ZCWPW2: variants seen among roughly 807,000 people sequenced by gnomAD.
ZCWPW2 encodes the protein zinc finger CW-type PWWP domain protein 2.
In ZCWPW2, 45 loss-of-function variants were observed where a neutral mutation model predicts 46.6. The ratio of observed to expected loss-of-function variants is 0.96; its 90% confidence interval spans 0.76 to 1.24. ZCWPW2 has a LOEUF of 1.24. ZCWPW2 is among the 50% of genes most tolerant of loss of function. The pLI is 0.00. For synonymous variants in ZCWPW2, 152 were observed against 137.1 expected (o/e 1.11, Z -0.76); for missense variants, 429 against 403.9 (o/e 1.06, Z -0.53).
rs771187755 is a variant in ZCWPW2, at chr3:28,348,990, G to C, written c.-347G>C. 9 of 985,708 alleles carry C rather than the reference G, an allele frequency of 9.1e-6. No individual in the cohort carries two copies. Among genetic ancestry groups the C allele is most frequent in the Non-Finnish European group, 1.1e-5 (9 of 830,260 alleles). The allele number at this position is 985,708 out of a possible 1,614,324, so 61.1% of individuals were successfully genotyped here. On this transcript the variant is annotated 5_prime_UTR_variant, in exon 1 of 10. Coordinates refer to ENST00000383768, the MANE Select transcript of ZCWPW2 (RefSeq NM_001040432.4). ...TGGATGAGCTCTCAGCCGGAAAAGG[G>C]GCTGCCGCTGTCCGCGGGCTCGGCG...
chr3:28,492,276 A>T (rs1470248975), intron 6 of ZCWPW2, 103 bp downstream of exon 6: 5 of 1,068,582 alleles, frequency 4.7e-6, no homozygotes, highest in Non-Finnish European at 5.2e-6. Flanking sequence ...ATGACATACA[A>T]TCCATTTTTT....
At chr3:28,494,402 T>C (rs1180527374) in intron 6 of ZCWPW2, among the ~76,000 whole-genome samples, 1 of 134,148 alleles carries the variant, frequency 7.5e-6, no homozygotes, top group African/African-American at 2.8e-5. Flanking sequence ...ATTTATTAAA[T>C]AGGGAATCCT....
intron 1 of ZCWPW2, among the ~76,000 whole-genome samples, chr3:28,351,228 A>G (rs2125683690): frequency 6.7e-6 from 1 of 149,914 alleles, no homozygotes; most frequent in East Asian, 1.9e-4. Context: ...TCCTGTCTAC[A>G]TGTTGTCGCT....
intron 1 of ZCWPW2, chr3:28,351,745 A>G (rs1704560948): frequency 6.6e-6 from 1 of 151,834 alleles, no homozygotes; most frequent in Non-Finnish European, 1.5e-5. Context: ...TTTGTTGTAT[A>G]TTCTGAGGAC....
At chr3:28,463,807 G>A (rs144263301) in intron 4 of ZCWPW2, among the ~76,000 whole-genome samples, 7 of 151,732 alleles carry the variant, frequency 4.6e-5, no homozygotes, top group African/African-American at 1.7e-4. Context: ...TGCCACTGCA[G>A]TCCAGACTGT....
At chr3:28,440,927 C>A (rs578036981) in intron 4 of ZCWPW2, among the ~76,000 whole-genome samples, 1 of 152,162 alleles carries the variant, frequency 6.6e-6, no homozygotes, top group Non-Finnish European at 1.5e-5. Context: ...CTGATCACCC[C>A]AAGGAATGGT....
chr3:28,351,371 A>T (rs545859429), intron 1 of ZCWPW2, among the ~76,000 whole-genome samples: 1 of 151,466 alleles, frequency 6.6e-6, no homozygotes, highest in African/African-American at 2.4e-5. Context: ...AGGACATGAT[A>T]CTGGCCGAGA....
chr3:28,506,336 G>A (rs1346591767), intron 6 of ZCWPW2, among the ~76,000 whole-genome samples: 1 of 151,840 alleles, frequency 6.6e-6, no homozygotes, highest in Non-Finnish European at 1.5e-5. Context: ...AGATTCCTGG[G>A]CCCAGTCCCA....
rs1696367473 is a variant in ZCWPW2, at chr3:28,410,728, TAAG to T, written c.-13-2323_-13-2321del. Reference sequence around the variant, plus strand: ...CAAATGAATTAACTAAGCATCAACTTAAGAAGAGAAAAATAAGAGCAACAGAGA... The same window carrying T: ...CAAATGAATTAACTAAGCATCAACTTAAGAGAAAAATAAGAGCAACAGAGA... On this transcript the variant is annotated intron_variant, in intron 2 of 9. Coordinates refer to ENST00000383768, the MANE Select transcript of ZCWPW2 (RefSeq NM_001040432.4). 3.3e-5 allele frequency among the ~76,000 whole-genome samples: 5 copies of T among 151,800 alleles called. No individual in the cohort carries two copies. The South Asian group carries it at 6.2e-4, about 19-fold the overall frequency.
At chr3:28,467,654 CTGTT>C (rs953060433) in intron 4 of ZCWPW2, among the ~76,000 whole-genome samples, 122 of 152,284 alleles carry the variant, frequency 8.0e-4, no homozygotes, top group Non-Finnish European at 1.6e-3. Flanking sequence ...GAGCAAGACT[CTGTT>C]TGTTTGTAAG....
At chr3:28,516,958 T>C (rs1700589366) in intron 8 of ZCWPW2, among the ~76,000 whole-genome samples, 1 of 152,126 alleles carries the variant, frequency 6.6e-6, no homozygotes, top group Non-Finnish European at 1.5e-5. Flanking sequence ...CTTGCAGTGA[T>C]CTATGATCAC....
chr3:28,445,337 C>T (rs767131962), intron 4 of ZCWPW2, among the ~76,000 whole-genome samples: 3 of 151,856 alleles, frequency 2.0e-5, no homozygotes, highest in Non-Finnish European at 2.9e-5. Flanking sequence ...GATACTGATG[C>T]ACTGCAAAGA....
chr3:28,432,478 C>T (rs142137634), intron 3 of ZCWPW2, among the ~76,000 whole-genome samples: 103 of 152,172 alleles, frequency 6.8e-4, no homozygotes, highest in Non-Finnish European at 7.1e-4. Context: ...CTGTAAAACT[C>T]GATCATATTT....
intron 6 of ZCWPW2, among the ~76,000 whole-genome samples, chr3:28,495,082 A>C (rs1421639316): frequency 2.0e-5 from 3 of 151,852 alleles, no homozygotes; most frequent in Non-Finnish European, 4.4e-5. Context: ...AAACTACTTT[A>C]AAGTTCATAT....
At chr3:28,427,913 A>T (rs571255872) in intron 3 of ZCWPW2, 3 of 152,334 alleles carry the variant, frequency 2.0e-5, no homozygotes, top group South Asian at 4.1e-4. Context: ...TACAGTTTTA[A>T]CACTGTAATG....
Position 28,357,060 on chromosome 3 carries a change from T to G in ZCWPW2, c.-134+7857T>G, listed in dbSNP as rs1312864793. 6.0e-5 allele frequency among the ~76,000 whole-genome samples: 9 copies of G among 149,584 alleles called. No homozygotes were observed. The East Asian group carries it at 1.8e-3, about 29-fold the overall frequency. On this transcript the variant is annotated intron_variant, in intron 1 of 9. Coordinates refer to ENST00000383768, the MANE Select transcript of ZCWPW2 (RefSeq NM_001040432.4). ...ATTTATTTTTTGCCAATAGTTTCTA[T>G]ATGTGCCTATAAAGAAAAAAAAATC...
At chr3:28,423,394 T>G (rs1375660577) in intron 3 of ZCWPW2, among the ~76,000 whole-genome samples, 3 of 143,602 alleles carry the variant, frequency 2.1e-5, no homozygotes, top group Non-Finnish European at 4.5e-5. Context: ...TTAGACAGAG[T>G]CTCACTCTGT....
intron 4 of ZCWPW2, among the ~76,000 whole-genome samples, chr3:28,447,419 T>C (rs1011267562): frequency 6.6e-6 from 1 of 151,412 alleles, no homozygotes; most frequent in Non-Finnish European, 1.5e-5. Context: ...GCTTAATTAA[T>C]GTAGAAAAAG....
intron 1 of ZCWPW2, among the ~76,000 whole-genome samples, chr3:28,373,025 A>C (rs1705386981): frequency 1.3e-5 from 2 of 152,152 alleles, no homozygotes; most frequent in Admixed American, 6.5e-5. Context: ...ATCTATCTAC[A>C]CAGACCCCCT....
Sources: gnomAD v4.1 joint callset for allele counts (sites outside exome capture counted in the v4.1 genomes callset) on GRCh38, gnomAD v4.1.1 for gene constraint, MANE v1.5 for transcripts, NCBI Gene and HGNC (gene_info 2026-07-23, HGNC 2026-07-21) for gene names.